The following DECR2 variants were observed in gnomAD, a reference collection of about 807,000 sequenced individuals.
DECR2 encodes the protein peroxisomal 2,4-dienoyl-CoA reductase [(3E)-enoyl-CoA-producing].
A neutral mutation model predicts 29.2 loss-of-function variants in DECR2; 34 were observed. The ratio of observed to expected loss-of-function variants is 1.16; its 90% CI spans 0.89 to 1.55. The LOEUF (loss-of-function observed/expected upper bound fraction) is 1.55. Among genes scored for constraint, DECR2 ranks in the 40% most tolerant of loss-of-function variants. DECR2 has a pLI of 0.00. For synonymous variants in DECR2, 224 were observed against 182.7 expected, an observed-to-expected ratio of 1.23 and a Z score of -1.82; for missense variants, 485 against 425.3, an observed-to-expected ratio of 1.14 and a Z score of -1.23.
chr16:407,794 GGGC>G (rs2054746253), intron 4 of DECR2, among the ~76,000 whole-genome samples: 1 of 1,636 alleles, frequency 6.1e-4, no homozygotes, highest in Non-Finnish European at 1.9e-3. Context: ...CTCTGTCTCC[GGGC>G]TCTGTCTCCG....
At chr16:404,819 G>T in intron 1 of DECR2, 137 bp from the exon 2 acceptor site, 1 of 763,404 alleles carries the variant, frequency 1.3e-6, no homozygotes. Context: ...TAGTAGAGAC[G>T]AGGTTTTACC....
chr16:402,204 T>C (rs1190256451), intron 1 of DECR2, among the ~76,000 whole-genome samples, 161 bp downstream of exon 1: 1 of 151,020 alleles, frequency 6.6e-6, no homozygotes. Flanking sequence ...AGACGGAATC[T>C]CGCTGTGTCG....
Position 411,888 on chromosome 16 carries a change from A to G in DECR2, c.*1-2A>G, listed in dbSNP as rs1567342851. On this transcript the variant is annotated splice_acceptor_variant, in intron 8 of 8. Coordinates refer to ENST00000219481, the MANE Select transcript of DECR2 (RefSeq NM_020664.4). LOFTEE classifies it low-confidence loss of function (3UTR_SPLICE). ...GGCTACTAAGTTCTGAAACTCCTGC[A>G]GGAATCTTCCGGCCGCTGCTTCCTG... 8 of 371,516 alleles carry G rather than the reference A, an allele frequency of 2.2e-5. No individual in the cohort carries two copies. 23.0% of individuals were successfully genotyped at this position (371,516 alleles called of 1,614,324 possible).
chr16:407,669 C>A, intron 4 of DECR2, 109 bp downstream of exon 4: 1 of 1,524,350 alleles, frequency 6.6e-7, no homozygotes, highest in Non-Finnish European at 8.9e-7. Context: ...AACCTAGCTG[C>A]CTGTGCTGGG....
intron 3 of DECR2, 168 bp from the exon 4 acceptor site, chr16:407,257 T>C (rs2054736023): frequency 1.4e-6 from 2 of 1,423,540 alleles, no homozygotes; most frequent in South Asian, 3.1e-5. Flanking sequence ...CCCACAAACA[T>C]CCACTGGGGT....
intron 2 of DECR2, 134 bp from the exon 3 acceptor site, chr16:406,212 C>T (rs1449178039): frequency 4.6e-6 from 4 of 866,576 alleles, no homozygotes; most frequent in Non-Finnish European, 7.0e-6. Flanking sequence ...GTTCACGCCC[C>T]TGTGCCCTCT....
intron 3 of DECR2, 43 bp downstream of exon 3, chr16:406,440 G>C (rs761133288): frequency 3.3e-5 from 52 of 1,597,472 alleles, no homozygotes; most frequent in Admixed American, 5.0e-5. Flanking sequence ...GGTGGCTGTG[G>C]GGGGGCTGGG....
chr16:405,033 G>T lies in DECR2; in HGVS notation c.149+9G>T, dbSNP rs1477976922. On this transcript the variant is annotated intron_variant, in intron 2 of 8. Coordinates refer to ENST00000219481, the MANE Select transcript of DECR2 (RefSeq NM_020664.4). ...GCTGAGATTTTCATGCGGTGAGACT[G>T]CTCTGTGTCCCTTCCCTGCTCCTCG... 4 of 1,614,038 alleles carry T rather than the reference G, an allele frequency of 2.5e-6. No individual in the cohort carries two copies. In the South Asian group the frequency reaches 4.4e-5, roughly 18 times the overall value.
At chr16:407,298 A>T in intron 3 of DECR2, 127 bp from the exon 4 acceptor site, 1 of 1,471,012 alleles carries the variant, frequency 6.8e-7, no homozygotes, top group Non-Finnish European at 9.0e-7. Flanking sequence ...GCTTCCCCAG[A>T]GTGGGGTCCA....
rs1225357597 is a variant in DECR2, at chr16:408,043, CT to C, written c.337+484del. On this transcript the variant is annotated intron_variant, in intron 4 of 8. Coordinates refer to ENST00000219481, the MANE Select transcript of DECR2 (RefSeq NM_020664.4). ...TGTCTCCGGGCCCCTGTCTCCGGGC[CT>C]CTGTCTCCGGCCCTCTGTCTCCGGG... Among the ~76,000 whole-genome samples the C allele has an allele frequency of 2.4e-3, 71 of 29,830 alleles. 19 individuals are homozygous for C. Among genetic ancestry groups the C allele is most frequent in the African/African-American group, 2.6e-3 (23 of 8,708 alleles). 19.6% of individuals were successfully genotyped at this position (29,830 alleles called of 152,430 possible). A position where few individuals can be genotyped will look rare whatever the true frequency, so the allele number is the denominator to read the frequency against.
chr16:403,446 C>A (rs1009717879), intron 1 of DECR2, among the ~76,000 whole-genome samples: 3 of 152,162 alleles, frequency 2.0e-5, no homozygotes, highest in Admixed American at 6.6e-5. Flanking sequence ...ACAAGAAAAT[C>A]TCTAATAAAT....
At chr16:406,451 G>GCTGGGC in intron 3 of DECR2, 54 bp downstream of exon 3, 2 of 1,586,510 alleles carry the variant, frequency 1.3e-6, no homozygotes, top group African/African-American at 1.3e-5. Flanking sequence ...GGGGGCTGGG[G>GCTGGGC]CTGGGCCTGG....
Position 410,742 on chromosome 16 carries a change from C to T in DECR2, c.514C>T (p.Gln172Ter), listed in dbSNP as rs1003934675. 6.8e-6 allele frequency: 11 copies of T among 1,606,998 alleles called. No homozygotes were observed. Among genetic ancestry groups the T allele is most frequent in the Non-Finnish European group, 9.3e-6 (11 of 1,178,416 alleles). ...NITATLGNRG[Q>*]ALQVHAGSAK... is the part of the protein sequence containing the mutation. Reference sequence around the variant, plus strand: ...CACTGCCACCCTGGGGAACCGGGGGCAGGCGCTCCAGGTGCATGCAGGCTC... The same window carrying T: ...CACTGCCACCCTGGGGAACCGGGGGTAGGCGCTCCAGGTGCATGCAGGCTC... The change falls in exon 6 of 9, where the codon CAG becomes TAG. Residue 172 changes from glutamine (Q) to a stop codon, truncating the protein, a stop_gained. Transcript: ENST00000219481. LOFTEE classifies it high-confidence loss of function. The surrounding 1 kb of genome is among the most constrained non-coding windows in gnomAD (Gnocchi z 4.1).
At chr16:404,698 C>T (rs1458330253) in intron 1 of DECR2, among the ~76,000 whole-genome samples, 8 of 151,418 alleles carry the variant, frequency 5.3e-5, no homozygotes, top group Non-Finnish European at 1.0e-4. Flanking sequence ...GGTGCGATCT[C>T]GGCTCACTGC....
chr16:403,717 C>G (rs369151780), intron 1 of DECR2, among the ~76,000 whole-genome samples: 3 of 152,282 alleles, frequency 2.0e-5, no homozygotes, highest in South Asian at 4.1e-4. Flanking sequence ...TCTAGAAAAA[C>G]TAGATGAAAA....
At position 407,090 on chromosome 16, in the gene DECR2, C is replaced by T. The variant is rs1021200496; in HGVS notation, c.202-335C>T. On this transcript the variant is annotated intron_variant, in intron 3 of 8. Coordinates refer to ENST00000219481, the MANE Select transcript of DECR2 (RefSeq NM_020664.4). Reference sequence around the variant, plus strand: ...ACCTGGGTTATTTAGGTGGTCCGTGCGTCCCACCTACTGGAGCCCTCGACC... The same window carrying T: ...ACCTGGGTTATTTAGGTGGTCCGTGTGTCCCACCTACTGGAGCCCTCGACC... 32 of 1,115,650 alleles carry T rather than the reference C, an allele frequency of 2.9e-5. No homozygotes were observed. The African/African-American group carries it at 2.9e-4, about 10-fold the overall frequency. The allele number at this position is 1,115,650 out of a possible 1,614,324, so 69.1% of individuals were successfully genotyped here. A position where few individuals can be genotyped will look rare whatever the true frequency, so the allele number is the denominator to read the frequency against.
At position 410,153 on chromosome 16, in the gene DECR2, C is replaced by T; in HGVS notation, c.338-90C>T. ...TGCCACAGGGCACCTGGGCTCCCTCCTGCACCCTCCGCTCTGCCCACCTGG... is the reference window on the plus strand; with the variant it reads ...TGCCACAGGGCACCTGGGCTCCCTCTTGCACCCTCCGCTCTGCCCACCTGG... On this transcript the variant is annotated intron_variant, in intron 4 of 8. Transcript: ENST00000219481. This position sits in a 1 kb window ranked among gnomAD's most constrained non-coding sequence, Gnocchi z 4.1. The T allele has an allele frequency of 3.3e-6, 5 of 1,534,086 alleles. No homozygotes were observed. The highest frequency in any genetic ancestry group is 4.4e-6 in the Non-Finnish European group (5 of 1,137,982).
chr16:402,183 T>C (rs1597193640), intron 1 of DECR2, 140 bp downstream of exon 1: 1 of 699,190 alleles, frequency 1.4e-6, no homozygotes. Flanking sequence ...TTCTTTCTTT[T>C]TTTTTTTTTG....
At chr16:408,125 G>C (rs184449476) in intron 4 of DECR2, among the ~76,000 whole-genome samples, 615 of 14,422 alleles carry the variant, frequency 0.043, 249 homozygotes, top group African/African-American at 0.16. Flanking sequence ...CTGTCTCCGG[G>C]CCCCTGTCTC....
Sources: allele counts gnomAD v4.1 joint callset (sites outside exome capture counted in the v4.1 genomes callset), GRCh38; gene constraint gnomAD v4.1.1; non-coding constraint Gnocchi (gnomAD v3.1); transcripts MANE v1.5; gene names NCBI Gene and HGNC (gene_info 2026-07-23, HGNC 2026-07-21).